The following HAUS6 variants were observed in gnomAD, a reference collection of about 807,000 sequenced individuals.
HAUS6 encodes the protein HAUS augmin-like complex subunit 6.
In HAUS6, 80 loss-of-function variants were observed where a neutral mutation model predicts 106.8. The observed-to-expected ratio is 0.75, with a 90% CI of 0.63 to 0.90. The LOEUF is 0.90. Ranked by LOEUF, HAUS6 falls within the 40% of genes least tolerant of loss-of-function variation. HAUS6 has a pLI of 0.00. For synonymous variants in HAUS6, 356 were observed against 379.1 expected, an observed-to-expected ratio of 0.94 and a Z score of 0.71; for missense variants, 1,155 against 1,118.1, an observed-to-expected ratio of 1.03 and a Z score of -0.47.
chr9:19,059,891 C>A, intron 15 of HAUS6, 197 bp downstream of exon 15: 1 of 433,390 alleles, frequency 2.3e-6, no homozygotes. Context: ...TTTTATATCT[C>A]TGTATATTGA....
At chr9:19,073,013 A>G (rs568689826) in intron 11 of HAUS6, among the ~76,000 whole-genome samples, 4 of 151,518 alleles carry the variant, frequency 2.6e-5, no homozygotes, top group African/African-American at 9.6e-5. Context: ...AAACTTTAAA[A>G]AAGAGGAAGA....
At chr9:19,065,016 G>A (rs1165500363) in intron 12 of HAUS6, 1 of 152,224 alleles carries the variant, frequency 6.6e-6, no homozygotes, top group Non-Finnish European at 1.5e-5. Context: ...ACAGTGGTTG[G>A]TAGTGCAATA....
Position 19,076,666 on chromosome 9 carries a change from A to C in HAUS6, c.1230T>G (p.Phe410Leu). 2 of 1,590,596 alleles carry C rather than the reference A, an allele frequency of 1.3e-6. No homozygotes were observed. The highest frequency in any genetic ancestry group is 1.7e-6 in the Non-Finnish European group (2 of 1,159,246). ...CATACACTTCTTCTGAGGCAGGATC[A>C]AACGAAAGGGGAGACATTGGTGGTA... is the stretch of plus-strand genomic sequence containing the variant. ...DLLPPMSPLS[F>L]DPASEEVYAK... is the part of the protein sequence containing the mutation. The change falls in exon 11 of 17, where the codon TTT becomes TTG. Residue 410 changes from phenylalanine to leucine, a missense_variant. Physicochemically the swap from Phe to Leu is conservative, Grantham distance 22. Coordinates refer to ENST00000380502, the MANE Select transcript of HAUS6 (RefSeq NM_017645.5).
Position 19,058,133 on chromosome 9 carries a change from C to G in HAUS6, c.2634G>C (p.Thr878=). The change falls in exon 16 of 17, where the codon ACG becomes ACC. Residue 878 remains threonine, a synonymous_variant. Coordinates refer to ENST00000380502, the MANE Select transcript of HAUS6 (RefSeq NM_017645.5). ...PTPQNVQTDD[T]LNFLDTCDLH... The stretch of plus-strand genomic sequence containing the variant: ...AATCACAGGTGTCCAAAAAGTTAAG[C>G]GTATCATCTGTTTGTACATTTTGGG... The G allele has an allele frequency of 6.2e-7, 1 of 1,613,958 alleles. No individual in the cohort carries two copies. The highest frequency in any genetic ancestry group is 8.5e-7 in the Non-Finnish European group (1 of 1,179,906).
At chr9:19,092,916 C>CAAAAAAAAAAAAA (rs71494998) in intron 4 of HAUS6, among the ~76,000 whole-genome samples, 54 of 76,170 alleles carry the variant, frequency 7.1e-4, no homozygotes, top group Non-Finnish European at 9.2e-4. Flanking sequence ...AACTGTGTCT[C>CAAAAAAAAAAAAA]AAAAAAAAAA....
chr9:19,082,453 T>A (rs1222929996), intron 8 of HAUS6, among the ~76,000 whole-genome samples: 1 of 152,092 alleles, frequency 6.6e-6, no homozygotes, highest in Non-Finnish European at 1.5e-5. Context: ...AACACACTCA[T>A]AGAAATAAAT....
At chr9:19,074,367 G>A (rs1836945272) in intron 11 of HAUS6, among the ~76,000 whole-genome samples, 1 of 152,072 alleles carries the variant, frequency 6.6e-6, no homozygotes, top group African/African-American at 2.4e-5. Context: ...GAACTCCCGG[G>A]CTCAAATGAT....
Position 19,058,151 on chromosome 9 carries a change from A to G in HAUS6, c.2616T>C (p.Asn872=), listed in dbSNP as rs919670591. 3 of 1,613,842 alleles carry G rather than the reference A, an allele frequency of 1.9e-6. No homozygotes were observed. In the African/African-American group the frequency reaches 4.0e-5, roughly 22 times the overall value. Residue 872 remains asparagine (N), a synonymous_variant, in exon 16 of 17, where the codon AAT becomes AAC. Transcript: ENST00000380502. The part of the protein sequence containing the change: ...HKPELSPTPQ[N]VQTDDTLNFL... ...AGTTAAGCGTATCATCTGTTTGTAC[A>G]TTTTGGGGAGTAGGGCTCAATTCTG...
In HAUS6 at chr9:19,094,409, A is replaced by T. The variant is rs1290080722; in HGVS notation, c.225-14T>A. On this transcript the variant is annotated splice_polypyrimidine_tract_variant and intron_variant, in intron 2 of 16. Coordinates refer to ENST00000380502, the MANE Select transcript of HAUS6 (RefSeq NM_017645.5). ...GGCCAACAAAATCTGGAAAACAAAAATAAAAGCGTAAGGACTATGCACAAC... is the reference window on the plus strand; with the variant it reads ...GGCCAACAAAATCTGGAAAACAAAATTAAAAGCGTAAGGACTATGCACAAC... 1 of 1,538,054 alleles carries T rather than the reference A, an allele frequency of 6.5e-7. No homozygotes were observed. The highest frequency in any genetic ancestry group is 9.0e-7 in the Non-Finnish European group (1 of 1,113,466).
intron 12 of HAUS6, among the ~76,000 whole-genome samples, chr9:19,068,517 C>G (rs1160466161): frequency 1.3e-5 from 2 of 152,126 alleles, no homozygotes; most frequent in Admixed American, 6.6e-5. Context: ...TTACCAATAA[C>G]TCAATTTTAC....
intron 14 of HAUS6, among the ~76,000 whole-genome samples, chr9:19,060,936 C>T (rs984519222): frequency 1.3e-5 from 2 of 151,884 alleles, no homozygotes; most frequent in African/African-American, 4.8e-5. Flanking sequence ...CCGAGACGGT[C>T]GGATCACTTC....
intron 8 of HAUS6, among the ~76,000 whole-genome samples, chr9:19,081,416 A>C (rs887335538): frequency 5.3e-5 from 8 of 152,002 alleles, no homozygotes; most frequent in Non-Finnish European, 1.2e-4. Context: ...AATCATTTGA[A>C]TTAGTTGCCA....
At position 19,094,337 on chromosome 9, in the gene HAUS6, C is replaced by T. The variant is rs760785922; in HGVS notation, c.283G>A (p.Glu95Lys). The T allele has an allele frequency of 1.3e-6, 2 of 1,596,760 alleles. No individual in the cohort carries two copies. Among genetic ancestry groups the T allele is most frequent in the South Asian group, 2.2e-5 (2 of 89,088 alleles). Residue 95 changes from glutamate to lysine, a missense_variant, in exon 3 of 17, where the codon GAA becomes AAA. By Grantham distance (56) the Glu-to-Lys change is moderately conservative. Around this residue, in one of 3 missense-constraint regions of HAUS6, gnomAD observed 761 missense variants for 690.0 expected, o/e 1.10. Coordinates refer to ENST00000380502, the MANE Select transcript of HAUS6 (RefSeq NM_017645.5). Reference protein sequence around the residue: ...SDTEFRKHCCEWIKRISGECG... With the variant: ...SDTEFRKHCCKWIKRISGECG... ...CTTACAGAAATCCTTTTTATCCATT[C>T]ACAGCAATGTTTTCGGAATTCAGTG...
In HAUS6 at chr9:19,063,525, C is replaced by CTGTA; in HGVS notation, c.1428_1431dup (p.Val478TyrfsTer4). 1 of 1,569,112 alleles carries CTGTA rather than the reference C, an allele frequency of 6.4e-7. No homozygotes were observed. The highest frequency in any genetic ancestry group is 1.7e-5 in the Admixed American group (1 of 59,928). ...ATTTTAAAATATACCTTTTCAAGTA[C>CTGTA]TGTAACACTGTTTCTATCTGATGAT... is the stretch of plus-strand genomic sequence containing the variant. On this transcript the variant is annotated frameshift_variant, in exon 13 of 17. Transcript: ENST00000380502. LOFTEE classifies it high-confidence loss of function.
chr9:19,094,359 A>G lies in HAUS6; in HGVS notation c.261T>C (p.Thr87=), dbSNP rs1205708373. ...ATTCACAGCAATGTTTTCGGAATTC[A>G]GTGTCACTTTTTTGGTCAAATGGGG... ...CWPPFDQKSD[T]EFRKHCCEWI... is the part of the protein sequence containing the mutation. Residue 87 remains threonine, a synonymous_variant, in exon 3 of 17, where the codon ACT becomes ACC. Transcript: ENST00000380502. 6.2e-7 allele frequency: 1 copy of G among 1,609,638 alleles called. No homozygotes were observed. The highest frequency in any genetic ancestry group is 8.5e-7 in the Non-Finnish European group (1 of 1,176,556).
intron 4 of HAUS6, among the ~76,000 whole-genome samples, chr9:19,090,435 G>T (rs1040920089): frequency 6.6e-6 from 1 of 152,048 alleles, no homozygotes. Context: ...CGTGATCTCG[G>T]CTCACTGCAA....
At chr9:19,090,774 G>A (rs942655930) in intron 4 of HAUS6, among the ~76,000 whole-genome samples, 4 of 152,154 alleles carry the variant, frequency 2.6e-5, no homozygotes, top group Non-Finnish European at 5.9e-5. Flanking sequence ...CAATAGGACA[G>A]GATAACCAAA....
chr9:19,073,110 T>C (rs1588608133), intron 11 of HAUS6, among the ~76,000 whole-genome samples: 1 of 152,100 alleles, frequency 6.6e-6, no homozygotes, highest in Non-Finnish European at 1.5e-5. Context: ...AGATTCAGAA[T>C]AGTGATTACC....
intron 11 of HAUS6, among the ~76,000 whole-genome samples, chr9:19,076,363 TAAAAG>T (rs1021338355): frequency 2.7e-4 from 41 of 151,498 alleles, no homozygotes; most frequent in African/African-American, 9.9e-4. Flanking sequence ...CAAAAAAAAA[TAAAAG>T]AAAAAGTTCA....
Sources: allele counts gnomAD v4.1 joint callset (sites outside exome capture counted in the v4.1 genomes callset), GRCh38; gene constraint gnomAD v4.1.1; regional missense constraint gnomAD v4.1.1; transcripts MANE v1.5; gene names NCBI Gene and HGNC (gene_info 2026-07-23, HGNC 2026-07-21).